The following RAB37 variants were observed in gnomAD, a reference collection of about 807,000 sequenced individuals.
RAB37 encodes the protein RAB37, member RAS oncogene family.
A neutral mutation model predicts 33.1 loss-of-function variants in RAB37; 29 were observed. That is an observed-to-expected ratio of 0.88 (90% confidence interval 0.65 to 1.20). RAB37 has a LOEUF of 1.20. RAB37 is among the 50% of genes most tolerant of loss of function. The pLI is 0.00. For synonymous variants in RAB37, 128 were observed against 119.5 expected (o/e 1.07, Z -0.47); for missense variants, 299 against 301.1 (o/e 0.99, Z 0.05).
At chr17:74,727,008 G>A (rs2034314834) in intron 1 of RAB37, among the ~76,000 whole-genome samples, 1 of 152,258 alleles carries the variant, frequency 6.6e-6, no homozygotes, top group Non-Finnish European at 1.5e-5. Flanking sequence ...CTTCTCTGTT[G>A]TTTATGATTT....
chr17:74,736,504 C>T, upstream of RAB37: 4 of 1,416,468 alleles, frequency 2.8e-6, no homozygotes, highest in Non-Finnish European at 3.7e-6. Context: ...TTTGGCTCCT[C>T]CTCGGGGCCA....
At chr17:74,733,631 T>C (rs111533119), upstream of RAB37, among the ~76,000 whole-genome samples, 132 of 35,718 alleles carry the variant, frequency 3.7e-3, no homozygotes, top group Middle Eastern at 0.014. Context: ...GTGTCTGTGG[T>C]GTGTGTCTGG....
rs139211171 is a variant in RAB37 at position 74,729,812 on chromosome 17, C to CA, written c.183+452dup. ...ATGAACGCAAGTGGAAGCCAGAAAGCAAAAAATATTTTAATATGGGATAGC... is the reference window on the plus strand; with the variant it reads ...ATGAACGCAAGTGGAAGCCAGAAAGCAAAAAAATATTTTAATATGGGATAGC... On this transcript the variant is annotated intron_variant, in intron 2 of 7. Coordinates refer to the RAB37 transcript ENST00000340415. The surrounding 1 kb of genome is among the most constrained non-coding windows in gnomAD (Gnocchi z 4.2). Among the ~76,000 whole-genome samples, 2,735 of 152,126 alleles carry CA rather than the reference C, an allele frequency of 0.018. 98 individuals are homozygous for CA. The highest frequency in any genetic ancestry group is 0.16 in the East Asian group (842 of 5,160).
chr17:74,743,055 G>C, intron 3 of RAB37, 74 bp from the exon 4 acceptor site: 1 of 1,355,308 alleles, frequency 7.4e-7, no homozygotes, highest in Non-Finnish European at 1.0e-6. Flanking sequence ...ATACAACAAA[G>C]CAGGCCTGCT....
chr17:74,677,852 A>T (rs1194427744), intron 1 of RAB37, among the ~76,000 whole-genome samples: 1 of 152,170 alleles, frequency 6.6e-6, no homozygotes, highest in Non-Finnish European at 1.5e-5. Flanking sequence ...CAAACTCTCC[A>T]GGCTTTCCTC....
At chr17:74,722,778 C>T (rs1004247360) in intron 1 of RAB37, among the ~76,000 whole-genome samples, 13 of 152,150 alleles carry the variant, frequency 8.5e-5, no homozygotes, top group African/African-American at 2.7e-4. Flanking sequence ...ATTTCTCATT[C>T]GACTTTGTTT....
intron 1 of RAB37, chr17:74,695,959 G>T (rs564421873): frequency 1.4e-5 from 20 of 1,410,992 alleles, no homozygotes; most frequent in Non-Finnish European, 1.1e-5. Context: ...CACTTCCCCA[G>T]GTGCCCCTCT....
chr17:74,693,175 A>G (rs2032198301), intron 1 of RAB37, among the ~76,000 whole-genome samples: 2 of 152,276 alleles, frequency 1.3e-5, no homozygotes, highest in African/African-American at 4.8e-5. Context: ...CTGAAATGTG[A>G]TGATAAAAAG....
intron 1 of RAB37, among the ~76,000 whole-genome samples, chr17:74,682,343 AT>A (rs949430053): frequency 1.7e-4 from 25 of 150,730 alleles, no homozygotes; most frequent in Non-Finnish European, 3.4e-4. Context: ...TCTCTCTCTC[AT>A]TTTTCTCTCT....
chr17:74,698,294 ACCAGATAGCTC>A, intron 1 of RAB37: 1 of 1,017,514 alleles, frequency 9.8e-7, no homozygotes, highest in Non-Finnish European at 1.5e-6. Flanking sequence ...AATCCCTTGG[ACCAGATAGCTC>A]CCAGATGCCA....
At chr17:74,718,033 C>T (rs1368370315) in intron 1 of RAB37, among the ~76,000 whole-genome samples, 1 of 151,418 alleles carries the variant, frequency 6.6e-6, no homozygotes, top group East Asian at 2.0e-4. Context: ...TAGTGGCCCA[C>T]ACCTGTAATC....
intron 1 of RAB37, among the ~76,000 whole-genome samples, chr17:74,698,028 T>C (rs1244636841): frequency 6.6e-6 from 1 of 152,156 alleles, no homozygotes; most frequent in East Asian, 1.9e-4. Flanking sequence ...GACCCAACTC[T>C]AGCGTCTAGT....
intron 1 of RAB37, among the ~76,000 whole-genome samples, chr17:74,720,356 G>C (rs1598303967): frequency 6.6e-6 from 1 of 152,232 alleles, no homozygotes; most frequent in Non-Finnish European, 1.5e-5. Flanking sequence ...AGGCCGAGGT[G>C]GGTGGATCAC....
At chr17:74,704,303 G>T in intron 1 of RAB37, 1 of 603,820 alleles carries the variant, frequency 1.7e-6, no homozygotes, top group Non-Finnish European at 2.9e-6. Flanking sequence ...GGGAGCCATG[G>T]GGGCATTGAA....
At chr17:74,708,824 A>C (rs2143870861) in intron 1 of RAB37, among the ~76,000 whole-genome samples, 1 of 150,434 alleles carries the variant, frequency 6.6e-6, no homozygotes, top group Non-Finnish European at 1.5e-5. Flanking sequence ...CTGAGGCAGG[A>C]GAATGACGTG....
At chr17:74,743,918 C>T (rs1335275569) in intron 5 of RAB37, among the ~76,000 whole-genome samples, 2 of 152,174 alleles carry the variant, frequency 1.3e-5, no homozygotes, top group Non-Finnish European at 2.9e-5. Flanking sequence ...ATACTCCTAC[C>T]TCCAACCCCA....
upstream of RAB37, among the ~76,000 whole-genome samples, chr17:74,734,995 GAAA>G (rs1477887892): frequency 2.7e-3 from 276 of 103,462 alleles, 15 homozygotes; most frequent in African/African-American, 5.7e-3. Flanking sequence ...AAGAAAGGAA[GAAA>G]GAAAAAGAAA....
intron 1 of RAB37, chr17:74,694,812 T>G: frequency 3.2e-6 from 1 of 308,082 alleles, no homozygotes. Context: ...AATGATAACA[T>G]TTTTCTCATT....
intron 1 of RAB37, among the ~76,000 whole-genome samples, chr17:74,724,307 G>T (rs1028608822): frequency 6.6e-6 from 1 of 152,206 alleles, no homozygotes; most frequent in Admixed American, 6.5e-5. Flanking sequence ...GGAGCTTCCA[G>T]ATCACAGATA....
Sources: allele counts gnomAD v4.1 joint callset (sites outside exome capture counted in the v4.1 genomes callset), GRCh38; gene constraint gnomAD v4.1.1; non-coding constraint Gnocchi (gnomAD v3.1); transcripts MANE v1.5; gene names NCBI Gene and HGNC (gene_info 2026-07-23, HGNC 2026-07-21).